RPL28: variants seen among roughly 807,000 people sequenced by gnomAD.
RPL28 encodes the protein ribosomal protein L28, also known as large ribosomal subunit protein eL28.
In RPL28, 4 loss-of-function variants were observed where a neutral mutation model predicts 12.5. The observed-to-expected ratio is 0.32, with a 90% CI of 0.16 to 0.73. RPL28 has a LOEUF of 0.73. Ranked by LOEUF, RPL28 falls within the 30% of genes least tolerant of loss-of-function variation. RPL28 has a pLI of 0.66. For missense variants in RPL28, 214 were observed against 197.7 expected (o/e 1.08, Z -0.49); for synonymous variants, 91 against 72.5 (o/e 1.26, Z -1.30).
In RPL28 at chr19:55,388,568, A is replaced by G. The variant is rs2089959225; in HGVS notation, c.*236A>G. ...GGCAAGGGTCACTGTCTTCACAGAAAAAGTTTGCTGACTTGTGATTGAGAC... is the reference window on the plus strand; with the variant it reads ...GGCAAGGGTCACTGTCTTCACAGAAGAAGTTTGCTGACTTGTGATTGAGAC... On this transcript the variant is annotated 3_prime_UTR_variant, in exon 5 of 5. Coordinates refer to ENST00000344063, the MANE Select transcript of RPL28 (RefSeq NM_000991.5). 1.6e-6 allele frequency: 2 copies of G among 1,251,066 alleles called. No homozygotes were observed. The highest frequency in any genetic ancestry group is 3.4e-5 in the South Asian group (1 of 29,046). The allele number at this position is 1,251,066 out of a possible 1,614,324, so 77.5% of individuals were successfully genotyped here.
In RPL28 at chr19:55,401,385, G is replaced by C. The variant is rs10402826; in HGVS notation, c.325-1558G>C. On this transcript the variant is annotated intron_variant, in intron 4 of 4. Transcript: ENST00000560055. ...TAAATAACTTAGAGACAGAGTTGGAGGGAGGGGACAGGAGAGGTTGGGGTC... is the reference window on the plus strand; with the variant it reads ...TAAATAACTTAGAGACAGAGTTGGACGGAGGGGACAGGAGAGGTTGGGGTC... The C allele has an allele frequency of 2.7e-5, 33 of 1,230,986 alleles. No homozygotes were observed. The African/African-American group carries it at 3.9e-4, about 15-fold the overall frequency. 76.3% of individuals were successfully genotyped at this position (1,230,986 alleles called of 1,614,324 possible).
rs1314257815 is a variant in RPL28 at position 55,386,708 on chromosome 19, G to T, written c.205+15G>T. 12 of 1,613,904 alleles carry T rather than the reference G, an allele frequency of 7.4e-6. No homozygotes were observed. Among genetic ancestry groups the T allele is most frequent in the Admixed American group, 1.7e-5 (1 of 59,990 alleles). On this transcript the variant is annotated intron_variant, in intron 3 of 4. Transcript: ENST00000344063. ...GCGGAGATCCGGTGAGTTTTGTCTGGTTTGGGCCAGAGAGCGGCCCCTTTC... is the reference window on the plus strand; with the variant it reads ...GCGGAGATCCGGTGAGTTTTGTCTGTTTTGGGCCAGAGAGCGGCCCCTTTC...
downstream of RPL28, among the ~76,000 whole-genome samples, chr19:55,392,624 T>A (rs1213153609): frequency 2.0e-5 from 3 of 151,700 alleles, no homozygotes; most frequent in South Asian, 4.1e-4. Flanking sequence ...CCTCCCAGGT[T>A]CACGCCATTC....
At chr19:55,403,301 A>G, downstream of RPL28, 2 of 569,982 alleles carry the variant, frequency 3.5e-6, no homozygotes, top group Non-Finnish European at 3.1e-6. Context: ...AAAAGCCTCT[A>G]ATGAGACCCC....
At position 55,390,218 on chromosome 19, in the gene RPL28, C is replaced by G. The variant is rs993664751; in HGVS notation, c.*1886C>G. 2.0e-6 allele frequency: 2 copies of G among 984,446 alleles called. No homozygotes were observed. The highest frequency in any genetic ancestry group is 4.7e-5 in the South Asian group (1 of 21,282). The allele number at this position is 984,446 out of a possible 1,614,324, so 61.0% of individuals were successfully genotyped here. A position where few individuals can be genotyped will look rare whatever the true frequency, so the allele number is the denominator to read the frequency against. On this transcript the variant is annotated 3_prime_UTR_variant, in exon 5 of 5. Transcript: ENST00000344063. ...TGAGAGTTTGCTCACTGGAGACTTT[C>G]TGGAGATGGAGTCTCGCTCTGTTGC...
In RPL28 at chr19:55,387,347, G is replaced by A. The variant is rs77036388; in HGVS notation, c.206-583G>A. On this transcript the variant is annotated intron_variant, in intron 3 of 4. Coordinates refer to ENST00000344063, the MANE Select transcript of RPL28 (RefSeq NM_000991.5). Reference sequence around the variant, plus strand: ...AGAGCCAAGGGTCCTTTTACTCAGTGGCAGCAACAAACGCAGTCTGTTGGC... The same window carrying A: ...AGAGCCAAGGGTCCTTTTACTCAGTAGCAGCAACAAACGCAGTCTGTTGGC... 8,707 of 1,551,654 alleles carry A rather than the reference G, an allele frequency of 5.6e-3. 342 individuals carry two copies. In the African/African-American group the frequency reaches 0.093, roughly 17 times the overall value.
chr19:55,402,683 C>T (rs1600319343), intron 4 of RPL28, among the ~76,000 whole-genome samples: 2 of 152,222 alleles, frequency 1.3e-5, no homozygotes, highest in Admixed American at 1.3e-4. Flanking sequence ...GGCTGCTCTT[C>T]TTGCTGGCTG....
At position 55,387,119 on chromosome 19, in the gene RPL28, TG is replaced by T. The variant is rs2089938560; in HGVS notation, c.205+427del. ...GGTTGCAGCCATTTGATTCCCATTT[TG>T]CCTGTGTAGGTTAGAGAAGAGGTCT... On this transcript the variant is annotated intron_variant, in intron 3 of 4. Coordinates refer to ENST00000344063, the MANE Select transcript of RPL28 (RefSeq NM_000991.5). The T allele has an allele frequency of 4.5e-6, 6 of 1,337,790 alleles. No homozygotes were observed. In the South Asian group the frequency reaches 7.2e-5, roughly 16 times the overall value. 82.9% of individuals were successfully genotyped at this position (1,337,790 alleles called of 1,614,324 possible).
chr19:55,388,669 T>G lies in RPL28; in HGVS notation c.*337T>G. ...TTCCATTCAGAAGAAGAAAGGCCTT[T>G]TCTAGCCCAGAAGGGTGCAGGCTGA... On this transcript the variant is annotated 3_prime_UTR_variant, in exon 5 of 5. Transcript: ENST00000344063. The G allele has an allele frequency of 9.1e-7, 1 of 1,102,592 alleles. No homozygotes were observed. Among genetic ancestry groups the G allele is most frequent in the Non-Finnish European group, 1.1e-6 (1 of 906,028 alleles). 68.3% of individuals were successfully genotyped at this position (1,102,592 alleles called of 1,614,324 possible).
At chr19:55,399,582 T>G (rs1342034288) in intron 4 of RPL28, among the ~76,000 whole-genome samples, 5 of 152,134 alleles carry the variant, frequency 3.3e-5, no homozygotes, top group Non-Finnish European at 7.4e-5. Flanking sequence ...TAGGTATGGG[T>G]GGGGCTGAAA....
At chr19:55,386,110 GT>G (rs1433441757) in intron 1 of RPL28, 145 bp downstream of exon 1, 1 of 526,264 alleles carries the variant, frequency 1.9e-6, no homozygotes, top group Non-Finnish European at 3.5e-6. Flanking sequence ...GAATTTTCAA[GT>G]TATTTTCCCC....
chr19:55,391,897 G>A lies in RPL28; in HGVS notation c.*3565G>A. 7.5e-7 allele frequency: 1 copy of A among 1,336,282 alleles called. No individual in the cohort carries two copies. Among genetic ancestry groups the A allele is most frequent in the Non-Finnish European group, 9.6e-7 (1 of 1,039,070 alleles). 82.8% of individuals were successfully genotyped at this position (1,336,282 alleles called of 1,614,324 possible). ...GCCAGATCCATGTGCAGTAATGCCTGGTGGCTCCAGGTCTGCCCCGCCGTC... is the reference window on the plus strand; with the variant it reads ...GCCAGATCCATGTGCAGTAATGCCTAGTGGCTCCAGGTCTGCCCCGCCGTC... On this transcript the variant is annotated 3_prime_UTR_variant, in exon 5 of 5. Coordinates refer to ENST00000344063, the MANE Select transcript of RPL28 (RefSeq NM_000991.5).
chr19:55,396,850 G>C (rs1390600570), downstream of RPL28, among the ~76,000 whole-genome samples: 7 of 151,622 alleles, frequency 4.6e-5, no homozygotes, highest in Admixed American at 2.6e-4. Context: ...AAAGTGCTGG[G>C]ATTACAGGTG....
downstream of RPL28, among the ~76,000 whole-genome samples, chr19:55,395,598 C>T (rs932579183): frequency 5.9e-5 from 9 of 152,018 alleles, no homozygotes; most frequent in South Asian, 2.1e-4. Context: ...CGCCCACCAC[C>T]ACACCCGGCT....
At position 55,387,246 on chromosome 19, in the gene RPL28, T is replaced by C. The variant is rs995952607; in HGVS notation, c.205+553T>C. On this transcript the variant is annotated intron_variant, in intron 3 of 4. Transcript: ENST00000344063. The stretch of plus-strand genomic sequence containing the variant: ...GGGGTCTCTAATGGAGGAGTCCAGC[T>C]TCACATGTGTTCTTGACAGGGCTGT... 1.4e-4 allele frequency: 215 copies of C among 1,537,678 alleles called. 1 individual carries two copies. In the Admixed American group the frequency reaches 4.2e-3, roughly 30 times the overall value.
In RPL28 at chr19:55,391,334, A is replaced by G; in HGVS notation, c.*3002A>G. On this transcript the variant is annotated 3_prime_UTR_variant, in exon 5 of 5. Transcript: ENST00000344063. The stretch of plus-strand genomic sequence containing the variant: ...TAGTAGCACCGTGCCTCAGTTTCCC[A>G]TATGTAAAAGGCCATTTTGAGTGCC... 2.0e-6 allele frequency: 2 copies of G among 986,250 alleles called. No homozygotes were observed. Among genetic ancestry groups the G allele is most frequent in the Non-Finnish European group, 1.3e-6 (1 of 765,290 alleles). The allele number at this position is 986,250 out of a possible 1,614,324, so 61.1% of individuals were successfully genotyped here. A position where few individuals can be genotyped will look rare whatever the true frequency, so the allele number is the denominator to read the frequency against.
intron 3 of RPL28, chr19:55,387,521 G>T (rs1416611744): frequency 4.9e-6 from 7 of 1,438,750 alleles, no homozygotes; most frequent in African/African-American, 1.4e-5. Flanking sequence ...GGACTGGCCT[G>T]AGTGAGGCTG....
intron 3 of RPL28, 135 bp from the exon 4 acceptor site, chr19:55,387,795 C>T: frequency 2.0e-6 from 3 of 1,467,246 alleles, no homozygotes; most frequent in Non-Finnish European, 2.7e-6. Flanking sequence ...AAACAGCTAC[C>T]TGCTGGCCTG....
Position 55,390,888 on chromosome 19 carries a change from G to A in RPL28, c.*2556G>A. The A allele has an allele frequency of 1.0e-6, 1 of 984,840 alleles. No individual in the cohort carries two copies. Among genetic ancestry groups the A allele is most frequent in the Non-Finnish European group, 1.2e-6 (1 of 829,656 alleles). The allele number at this position is 984,840 out of a possible 1,614,324, so 61.0% of individuals were successfully genotyped here. ...CCTCCTCTAGACCTCATCTTGGAGA[G>A]AGAGATGTTGGATGGGGCCATCTAT... is the stretch of plus-strand genomic sequence containing the variant. On this transcript the variant is annotated 3_prime_UTR_variant, in exon 5 of 5. Coordinates refer to ENST00000344063, the MANE Select transcript of RPL28 (RefSeq NM_000991.5).
Sources: gnomAD v4.1 joint callset for allele counts (sites outside exome capture counted in the v4.1 genomes callset) on GRCh38, gnomAD v4.1.1 for gene constraint, MANE v1.5 for transcripts, NCBI Gene and HGNC (gene_info 2026-07-23, HGNC 2026-07-21) for gene names.